Variants in ASCC3 observed in about 807,000 individuals in gnomAD.
The protein encoded by ASCC3 is activating signal cointegrator 1 complex subunit 3, also known as ASC-1 complex subunit P200.
A neutral mutation model predicts 256.3 loss-of-function variants in ASCC3; 158 were observed. The observed-to-expected ratio is 0.62, with a 90% CI of 0.54 to 0.70. The LOEUF (loss-of-function observed/expected upper bound fraction) is 0.70, where lower values mean the gene tolerates loss of function less well. Among genes scored for constraint, ASCC3 ranks in the 30% least tolerant of loss-of-function variants. The pLI is 0.00. For synonymous variants in ASCC3, 948 were observed against 883.4 expected (o/e 1.07, Z -1.30); for missense variants, 2,259 against 2,626.0 (o/e 0.86, Z 3.05).
chr6:100,581,431 T>G (rs987684119), intron 36 of ASCC3, among the ~76,000 whole-genome samples: 12 of 148,330 alleles, frequency 8.1e-5, no homozygotes, highest in Non-Finnish European at 1.3e-4. Context: ...GATGGGGTTG[T>G]TTGTTTTTTT....
At position 100,880,905 on chromosome 6, in the gene ASCC3, T is replaced by C. The variant is rs1244015924; in HGVS notation, c.-42+156A>G. Among the ~76,000 whole-genome samples the C allele has an allele frequency of 2.6e-5, 4 of 152,140 alleles. No homozygotes were observed. The South Asian group carries it at 6.2e-4, about 24-fold the overall frequency. On this transcript the variant is annotated intron_variant, in intron 1 of 41. Transcript: ENST00000369162. ...TTGCGAGACCCCGGACTCGACCTCATGCCACTGAAAAGGATGACAGGTCGG... is the reference window on the plus strand; with the variant it reads ...TTGCGAGACCCCGGACTCGACCTCACGCCACTGAAAAGGATGACAGGTCGG...
At chr6:100,790,937 T>C (rs1446123456) in intron 8 of ASCC3, among the ~76,000 whole-genome samples, 2 of 151,866 alleles carry the variant, frequency 1.3e-5, no homozygotes, top group Non-Finnish European at 1.5e-5. Flanking sequence ...GTTTTGGGCA[T>C]ACAGACAAAA....
chr6:100,812,987 G>GA (rs1316513588), intron 4 of ASCC3, among the ~76,000 whole-genome samples: 1 of 150,858 alleles, frequency 6.6e-6, no homozygotes, highest in Non-Finnish European at 1.5e-5. Flanking sequence ...GATAGATGAA[G>GA]AAAAAAATGA....
At chr6:100,859,502 T>C (rs150308623) in intron 3 of ASCC3, among the ~76,000 whole-genome samples, 2,533 of 152,172 alleles carry the variant, frequency 0.017, 70 homozygotes, top group African/African-American at 0.058. Flanking sequence ...TCTACCATTA[T>C]GTCCACACAC....
chr6:100,642,845 T>C lies in ASCC3; in HGVS notation c.3733-96A>G, dbSNP rs41285891. 1,255 of 1,132,058 alleles carry C rather than the reference T, an allele frequency of 1.1e-3. 1 individual carries two copies. The highest frequency in any genetic ancestry group is 1.4e-3 in the Middle Eastern group (6 of 4,402). 70.1% of individuals were successfully genotyped at this position (1,132,058 alleles called of 1,614,324 possible). A position where few individuals can be genotyped will look rare whatever the true frequency, so the allele number is the denominator to read the frequency against. On this transcript the variant is annotated intron_variant, in intron 23 of 41. Coordinates refer to ENST00000369162, the MANE Select transcript of ASCC3 (RefSeq NM_006828.4). ...AAGATAACGGTATCTCTACAAGATATACTAAAGACAAAGTATCTTGAATTT... is the reference window on the plus strand; with the variant it reads ...AAGATAACGGTATCTCTACAAGATACACTAAAGACAAAGTATCTTGAATTT...
chr6:100,875,907 C>G (rs953030096), intron 1 of ASCC3, among the ~76,000 whole-genome samples: 1 of 152,082 alleles, frequency 6.6e-6, no homozygotes, highest in African/African-American at 2.4e-5. Flanking sequence ...ACATGCTATT[C>G]TTTCAAGAAA....
rs1769854314 is a variant in ASCC3 at position 100,800,389 on chromosome 6, T to C, written c.1038A>G (p.Arg346=). The change falls in exon 6 of 42, where the codon AGA becomes AGG. Residue 346 remains arginine (R), a synonymous_variant. Coordinates refer to ENST00000369162, the MANE Select transcript of ASCC3 (RefSeq NM_006828.4). The part of the protein sequence containing the change: ...LMKQYRREEK[R]IARREKKAGE... ...CAGCCTTTTTTTCTCGTCTGGCAAT[T>C]CTTTTTTCTTCACGTCGATATTGTT... 6.2e-6 allele frequency: 10 copies of C among 1,612,962 alleles called. No homozygotes were observed. The highest frequency in any genetic ancestry group is 8.5e-6 in the Non-Finnish European group (10 of 1,179,342).
rs1169213190 is a variant in ASCC3 at position 100,730,141 on chromosome 6, GA to G, written c.1738-4439del. Among the ~76,000 whole-genome samples, 88 of 143,922 alleles carry G rather than the reference GA, an allele frequency of 6.1e-4. 1 individual carries two copies. The highest frequency in any genetic ancestry group is 1.5e-3 in the African/African-American group (60 of 39,400). The allele number at this position is 143,922 out of a possible 152,430, so 94.4% of individuals were successfully genotyped here. A position where few individuals can be genotyped will look rare whatever the true frequency, so the allele number is the denominator to read the frequency against. On this transcript the variant is annotated intron_variant, in intron 10 of 41. Coordinates refer to ENST00000369162, the MANE Select transcript of ASCC3 (RefSeq NM_006828.4). ...GCAGTACGGTGAGACCTCGCCTCCAGAAAAAAAAAAAATTAACTGGATGTGG... is the reference window on the plus strand; with the variant it reads ...GCAGTACGGTGAGACCTCGCCTCCAGAAAAAAAAAAATTAACTGGATGTGG...
chr6:100,742,880 G>A (rs556473948), intron 10 of ASCC3, among the ~76,000 whole-genome samples: 1 of 152,360 alleles, frequency 6.6e-6, no homozygotes, highest in African/African-American at 2.4e-5. Context: ...TGTGGTGGAA[G>A]TGAGGCCTGC....
intron 36 of ASCC3, among the ~76,000 whole-genome samples, chr6:100,560,121 G>C (rs1015199765): frequency 6.6e-6 from 1 of 152,208 alleles, no homozygotes; most frequent in East Asian, 1.9e-4. Flanking sequence ...ATATACTTTG[G>C]ACATCTAACT....
At chr6:100,528,098 C>T (rs1263684047) in intron 37 of ASCC3, among the ~76,000 whole-genome samples, 1 of 152,072 alleles carries the variant, frequency 6.6e-6, no homozygotes, top group Admixed American at 6.6e-5. Context: ...CTCAGCTCCC[C>T]CCTGTTGGGA....
At position 100,864,363 on chromosome 6, in the gene ASCC3, C is replaced by CA. The variant is rs1773379043; in HGVS notation, c.91-150dup. On this transcript the variant is annotated intron_variant, in intron 2 of 41. Coordinates refer to ENST00000369162, the MANE Select transcript of ASCC3 (RefSeq NM_006828.4). ...TCTATTCACATCCAAACTGACTACTCACAAAACAATTTTACTTAAATGGGT... is the reference window on the plus strand; with the variant it reads ...TCTATTCACATCCAAACTGACTACTCAACAAAACAATTTTACTTAAATGGGT... The CA allele has an allele frequency of 4.6e-6, 3 of 645,750 alleles. No homozygotes were observed. The East Asian group carries it at 8.1e-5, about 17-fold the overall frequency. 40.0% of individuals were successfully genotyped at this position (645,750 alleles called of 1,614,324 possible).
Position 100,828,280 on chromosome 6 carries a change from G to T in ASCC3, c.801+19868C>A, listed in dbSNP as rs555090607. On this transcript the variant is annotated intron_variant, in intron 4 of 41. Transcript: ENST00000369162. ...GAAATGGGGATAAAAAAAGTACAAG[G>T]TATCTATTACAGTAGTTCCCCTTTA... Among the ~76,000 whole-genome samples, 9 of 152,128 alleles carry T rather than the reference G, an allele frequency of 5.9e-5. No individual in the cohort carries two copies. In the East Asian group the frequency reaches 1.7e-3, roughly 29 times the overall value.
chr6:100,611,977 T>A (rs149769819), intron 30 of ASCC3, among the ~76,000 whole-genome samples: 1 of 151,916 alleles, frequency 6.6e-6, no homozygotes, highest in Non-Finnish European at 1.5e-5. Context: ...TTCCAATAAA[T>A]AGCCTTTGAA....
chr6:100,638,363 C>G (rs1008796095), intron 25 of ASCC3, among the ~76,000 whole-genome samples: 1 of 152,144 alleles, frequency 6.6e-6, no homozygotes, highest in African/African-American at 2.4e-5. Flanking sequence ...TTTATATGCA[C>G]TAGGAATCCA....
At chr6:100,720,276 G>C (rs1477819362) in intron 11 of ASCC3, among the ~76,000 whole-genome samples, 1 of 151,798 alleles carries the variant, frequency 6.6e-6, no homozygotes, top group African/African-American at 2.4e-5. Context: ...GAAATTATAA[G>C]GAAGATCATC....
chr6:100,530,774 GA>G (rs1774830677), intron 37 of ASCC3: 1 of 1,017,994 alleles, frequency 9.8e-7, no homozygotes, highest in Non-Finnish European at 1.6e-6. Context: ...ATTTTGCAAA[GA>G]ATCCAAGACA....
Position 100,526,689 on chromosome 6 carries a change from C to G in ASCC3, c.5776-8547G>C, listed in dbSNP as rs9399594. ...GGAGATAAAATATAGCTTTGACCATCTAGGACTAGGATTCTGCACCACTGT... is the reference window on the plus strand; with the variant it reads ...GGAGATAAAATATAGCTTTGACCATGTAGGACTAGGATTCTGCACCACTGT... On this transcript the variant is annotated intron_variant, in intron 37 of 41. Transcript: ENST00000369162. Among the ~76,000 whole-genome samples, 4 of 152,276 alleles carry G rather than the reference C, an allele frequency of 2.6e-5. No individual in the cohort carries two copies. The East Asian group carries it at 5.8e-4, about 22-fold the overall frequency.
intron 36 of ASCC3, among the ~76,000 whole-genome samples, chr6:100,544,004 A>C (rs1349791671): frequency 6.6e-6 from 1 of 152,132 alleles, no homozygotes; most frequent in Non-Finnish European, 1.5e-5. Context: ...TGAAATGAGA[A>C]ACCAATGACA....
Sources: gnomAD v4.1 joint callset for allele counts (sites outside exome capture counted in the v4.1 genomes callset) on GRCh38, gnomAD v4.1.1 for gene constraint, MANE v1.5 for transcripts, NCBI Gene and HGNC (gene_info 2026-07-23, HGNC 2026-07-21) for gene names.